NR2E1: variants seen among roughly 807,000 people sequenced by gnomAD.
NR2E1 encodes nuclear receptor subfamily 2 group E member 1, also known as nuclear receptor TLX.
A neutral mutation model predicts 43.6 loss-of-function variants in NR2E1; 5 were observed. That is an observed-to-expected ratio of 0.11 (90% CI 0.06 to 0.24). NR2E1 has a LOEUF of 0.24. NR2E1 is among the 10% of genes least tolerant of loss of function. The pLI, the probability that NR2E1 is intolerant of heterozygous loss-of-function variation, is 1.00. For missense variants in NR2E1, 287 were observed against 496.7 expected (o/e 0.58, Z 4.01); for synonymous variants, 191 against 195.5 (o/e 0.98, Z 0.19).
rs1201223943 is a variant in NR2E1, at chr6:108,169,457, C to T, written c.26-2001C>T. On this transcript the variant is annotated intron_variant, in intron 1 of 8. Coordinates refer to ENST00000368986, the MANE Select transcript of NR2E1 (RefSeq NM_003269.5). The surrounding 1 kb of genome is among the most constrained non-coding windows in gnomAD (Gnocchi z 6.1). ...AAAAGAGACCCCACCACTGCTCCTC[C>T]CACTCACTCATCTTGGCATCTTCAA... Among the ~76,000 whole-genome samples the T allele has an allele frequency of 6.6e-6, 1 of 152,204 alleles. No homozygotes were observed. The highest frequency in any genetic ancestry group is 1.5e-5 in the Non-Finnish European group (1 of 68,042).
intron 2 of NR2E1, among the ~76,000 whole-genome samples, chr6:108,174,057 A>T (rs889719405): frequency 6.6e-6 from 1 of 152,174 alleles, no homozygotes; most frequent in Non-Finnish European, 1.5e-5. Flanking sequence ...TCCTGTTTAC[A>T]TGGTGAGCAT....
chr6:108,176,474 G>C lies in NR2E1; in HGVS notation c.260-29G>C, dbSNP rs778494221. 23 of 1,605,602 alleles carry C rather than the reference G, an allele frequency of 1.4e-5. 1 individual carries two copies. The South Asian group carries it at 1.8e-4, about 12-fold the overall frequency. ...CTGTGTCTCGACGTCTCTAATCGCC[G>C]GCATGCGTTTCTCTGTTTGCCTCTG... On this transcript the variant is annotated intron_variant, in intron 3 of 8. Transcript: ENST00000368986.
intron 8 of NR2E1, 58 bp from the exon 9 acceptor site, chr6:108,187,243 C>T (rs1263329270): frequency 1.8e-5 from 28 of 1,572,132 alleles, no homozygotes; most frequent in East Asian, 9.0e-5. Context: ...AAGTGTAAGA[C>T]GTTAGTTTCC....
chr6:108,178,280 G>C, intron 5 of NR2E1, 39 bp downstream of exon 5: 1 of 1,611,738 alleles, frequency 6.2e-7, no homozygotes, highest in Non-Finnish European at 8.5e-7. Context: ...AGAGAGCTGG[G>C]AAAGAAGCAG....
In NR2E1 at chr6:108,169,354, G is replaced by A. The variant is rs1246725110; in HGVS notation, c.26-2104G>A. Among the ~76,000 whole-genome samples the A allele has an allele frequency of 6.6e-6, 1 of 152,202 alleles. No individual in the cohort carries two copies. ...GAATCCGAGGAGGGGCCCCCACCCT[G>A]CACTGGTCTTCCCTCCACCCTCATC... On this transcript the variant is annotated intron_variant, in intron 1 of 8. Coordinates refer to ENST00000368986, the MANE Select transcript of NR2E1 (RefSeq NM_003269.5). This position sits in a 1 kb window ranked among gnomAD's most constrained non-coding sequence, Gnocchi z 6.1.
chr6:108,182,007 G>A (rs1336818493), intron 8 of NR2E1, among the ~76,000 whole-genome samples: 1 of 152,188 alleles, frequency 6.6e-6, no homozygotes, highest in African/African-American at 2.4e-5. Context: ...GGAGGCCGAG[G>A]TGGGTGGATC....
chr6:108,179,573 C>G (rs974838659), intron 5 of NR2E1, among the ~76,000 whole-genome samples: 1 of 150,406 alleles, frequency 6.6e-6, no homozygotes, highest in African/African-American at 2.5e-5. Context: ...TTTGTATACT[C>G]TCACCCAAAC....
chr6:108,175,385 G>A (rs1408774689), intron 3 of NR2E1, among the ~76,000 whole-genome samples: 1 of 152,248 alleles, frequency 6.6e-6, no homozygotes. Flanking sequence ...CGAAAACGCG[G>A]AATTTCCAGC....
chr6:108,170,555 A>T (rs1017555387), intron 1 of NR2E1, among the ~76,000 whole-genome samples: 8 of 147,744 alleles, frequency 5.4e-5, no homozygotes, highest in African/African-American at 2.0e-4. Context: ...GGTGGGGTCC[A>T]TGGGGGGTGG....
chr6:108,171,084 C>T (rs1483920762), intron 1 of NR2E1, among the ~76,000 whole-genome samples: 1 of 152,160 alleles, frequency 6.6e-6, no homozygotes, highest in African/African-American at 2.4e-5. Context: ...TAACAACTTT[C>T]TCTGTTAAAT....
rs1462899861 is a variant in NR2E1, at chr6:108,169,237, T to A, written c.26-2221T>A. 6.6e-6 allele frequency among the ~76,000 whole-genome samples: 1 copy of A among 152,152 alleles called. No individual in the cohort carries two copies. Among genetic ancestry groups the A allele is most frequent in the Non-Finnish European group, 1.5e-5 (1 of 68,012 alleles). The stretch of plus-strand genomic sequence containing the variant: ...CCAGCCCGGTTGCCTGTTTCTAATC[T>A]GCCCCGGGAGCCGCGGCTCAGAGGT... On this transcript the variant is annotated intron_variant, in intron 1 of 8. Coordinates refer to ENST00000368986, the MANE Select transcript of NR2E1 (RefSeq NM_003269.5). The surrounding 1 kb of genome is among the most constrained non-coding windows in gnomAD (Gnocchi z 6.1).
chr6:108,180,826 A>C lies in NR2E1; in HGVS notation c.759A>C (p.Thr253=), dbSNP rs1773971629. The C allele has an allele frequency of 1.2e-6, 2 of 1,614,110 alleles. No individual in the cohort carries two copies. Among genetic ancestry groups the C allele is most frequent in the Non-Finnish European group, 1.7e-6 (2 of 1,179,906 alleles). Residue 253 remains threonine (T), a synonymous_variant, in exon 7 of 9, where the codon ACA becomes ACC. Transcript: ENST00000368986. The surrounding 1 kb of genome is among the most constrained non-coding windows in gnomAD (Gnocchi z 5.4). ...LAVSGMNGDN[T]DSQKLNKIIS... ...TTCTAGGCATGAACGGTGACAACAC[A>C]GATTCCCAGAAGCTGAACAAGATCA...
chr6:108,181,045 C>CA, intron 7 of NR2E1, 89 bp downstream of exon 7: 1 of 1,366,714 alleles, frequency 7.3e-7, no homozygotes, highest in Non-Finnish European at 1.0e-6. Flanking sequence ...CTGACCTTTG[C>CA]AAAAAGAGGT....
At chr6:108,178,880 T>A (rs1056615198) in intron 5 of NR2E1, 9 of 161,530 alleles carry the variant, frequency 5.6e-5, no homozygotes, top group African/African-American at 2.2e-4. Context: ...AAAAAGTGTG[T>A]GCAGTGAAAC....
At chr6:108,187,215 T>C in intron 8 of NR2E1, 86 bp from the exon 9 acceptor site, 1 of 1,444,208 alleles carries the variant, frequency 6.9e-7, no homozygotes, top group Non-Finnish European at 9.7e-7. Flanking sequence ...TCAGCAATGC[T>C]GGAGATGATG....
chr6:108,166,755 G>T lies in NR2E1; in HGVS notation c.-11G>T. The T allele has an allele frequency of 6.3e-7, 1 of 1,575,992 alleles. No homozygotes were observed. The highest frequency in any genetic ancestry group is 8.6e-7 in the Non-Finnish European group (1 of 1,165,984). On this transcript the variant is annotated 5_prime_UTR_variant, in exon 1 of 9. Coordinates refer to ENST00000368986, the MANE Select transcript of NR2E1 (RefSeq NM_003269.5). The surrounding 1 kb of genome is among the most constrained non-coding windows in gnomAD (Gnocchi z 7.2). ...AGCGCCCACCAACCGCTCCGCCCCG[G>T]GACAGCCAGCATGAGCAAGCCAGCC... is the stretch of plus-strand genomic sequence containing the variant.
intron 2 of NR2E1, among the ~76,000 whole-genome samples, chr6:108,174,304 G>A (rs1773860325): frequency 6.6e-6 from 1 of 152,202 alleles, no homozygotes; most frequent in Non-Finnish European, 1.5e-5. Context: ...AGATAAACGG[G>A]CTCTCCCAGA....
rs1773766299 is a variant in NR2E1, at chr6:108,169,343, G to GC, written c.26-2110dup. Among the ~76,000 whole-genome samples, 10 of 152,308 alleles carry GC rather than the reference G, an allele frequency of 6.6e-5. 1 individual carries two copies. In the South Asian group the frequency reaches 2.1e-3, roughly 32 times the overall value. On this transcript the variant is annotated intron_variant, in intron 1 of 8. Transcript: ENST00000368986. This position sits in a 1 kb window ranked among gnomAD's most constrained non-coding sequence, Gnocchi z 6.1. ...CTCGGGCGGGGGAATCCGAGGAGGGGCCCCCACCCTGCACTGGTCTTCCCT... is the reference window on the plus strand; with the variant it reads ...CTCGGGCGGGGGAATCCGAGGAGGGGCCCCCCACCCTGCACTGGTCTTCCCT...
At chr6:108,176,853 T>G in intron 4 of NR2E1, 115 bp downstream of exon 4, 1 of 1,012,622 alleles carries the variant, frequency 9.9e-7, no homozygotes, top group African/African-American at 1.6e-5. Flanking sequence ...AACTCCAGGG[T>G]GCTTGGCGGG....
Sources: gnomAD v4.1 joint callset for allele counts (sites outside exome capture counted in the v4.1 genomes callset) on GRCh38, gnomAD v4.1.1 for gene constraint, Gnocchi (gnomAD v3.1) non-coding constraint, MANE v1.5 for transcripts, NCBI Gene and HGNC (gene_info 2026-07-23, HGNC 2026-07-21) for gene names.